The following SPTSSA variants were observed in gnomAD, a reference collection of about 807,000 sequenced individuals.
SPTSSA encodes serine palmitoyltransferase small subunit A.
SPTSSA carries 8 observed loss-of-function variants against 9.1 expected under a neutral mutation model. The ratio of observed to expected loss-of-function variants is 0.88; its 90% CI spans 0.51 to 1.58. The LOEUF is 1.58. Ranked by LOEUF, SPTSSA falls within the 40% of genes most tolerant of loss-of-function variation. The pLI is 0.00. For synonymous variants in SPTSSA, 42 were observed against 37.7 expected (o/e 1.11, Z -0.41); for missense variants, 100 against 93.8 (o/e 1.07, Z -0.27).
chr14:34,442,774 G>A (rs1324314515), intron 1 of SPTSSA, among the ~76,000 whole-genome samples: 1 of 152,202 alleles, frequency 6.6e-6, no homozygotes, highest in East Asian at 1.9e-4. Context: ...GGAGTCTGGG[G>A]AGGTTTGGCC....
chr14:34,436,882 C>T (rs1477039057), intron 1 of SPTSSA, among the ~76,000 whole-genome samples: 1 of 151,708 alleles, frequency 6.6e-6, no homozygotes, highest in Non-Finnish European at 1.5e-5. Context: ...ACTTTTTAAC[C>T]GCCCTTAATC....
At chr14:34,451,717 C>CAAAAAA (rs35096900) in intron 1 of SPTSSA, among the ~76,000 whole-genome samples, 1 of 77,198 alleles carries the variant, frequency 1.3e-5, no homozygotes, top group African/African-American at 4.1e-5. Flanking sequence ...GACTCTGTTT[C>CAAAAAA]AAAAAAAAAA....
chr14:34,442,673 T>C (rs776317187), intron 1 of SPTSSA, among the ~76,000 whole-genome samples: 2 of 152,230 alleles, frequency 1.3e-5, no homozygotes, highest in Non-Finnish European at 2.9e-5. Context: ...TGGTGTTACA[T>C]GTATGCAGGT....
chr14:34,455,021 A>G (rs1362966582), intron 1 of SPTSSA, among the ~76,000 whole-genome samples: 1 of 151,530 alleles, frequency 6.6e-6, no homozygotes, highest in Non-Finnish European at 1.5e-5. Flanking sequence ...CAGGAGGCGG[A>G]GGCTACAGTG....
At chr14:34,460,183 A>G (rs1327986168) in intron 1 of SPTSSA, among the ~76,000 whole-genome samples, 2 of 152,228 alleles carry the variant, frequency 1.3e-5, no homozygotes, top group Non-Finnish European at 2.9e-5. Context: ...GGAAAAATAT[A>G]AATACAACAG....
chr14:34,459,755 G>C (rs777537523), intron 1 of SPTSSA, among the ~76,000 whole-genome samples: 10 of 151,848 alleles, frequency 6.6e-5, no homozygotes, highest in African/African-American at 2.4e-4. Flanking sequence ...CACTCCAGCC[G>C]GGCAACAAGA....
At chr14:34,462,022 G>T in intron 1 of SPTSSA, 74 bp downstream of exon 1, 1 of 978,090 alleles carries the variant, frequency 1.0e-6, no homozygotes, top group Non-Finnish European at 1.3e-6. Context: ...CCCCAGGCCC[G>T]GGGCCTGGGG....
chr14:34,449,351 C>T (rs2138827715), intron 1 of SPTSSA, among the ~76,000 whole-genome samples: 1 of 152,192 alleles, frequency 6.6e-6, no homozygotes, highest in South Asian at 2.1e-4. Flanking sequence ...GTTGAAATAA[C>T]ACTACTGCAC....
At chr14:34,445,565 T>C (rs1883406575) in intron 1 of SPTSSA, among the ~76,000 whole-genome samples, 1 of 152,132 alleles carries the variant, frequency 6.6e-6, no homozygotes, top group Admixed American at 6.5e-5. Flanking sequence ...ACGTATAATA[T>C]ATGGTAATCT....
chr14:34,451,403 TC>T, intron 1 of SPTSSA, among the ~76,000 whole-genome samples: 1 of 152,120 alleles, frequency 6.6e-6, no homozygotes, highest in Admixed American at 6.6e-5. Context: ...AGCAATCCAA[TC>T]CTATATTAAT....
intron 1 of SPTSSA, among the ~76,000 whole-genome samples, chr14:34,451,534 T>A (rs190973413): frequency 6.6e-6 from 1 of 151,758 alleles, no homozygotes; most frequent in East Asian, 1.9e-4. Context: ...CCGTCCTGGC[T>A]AACACGGTGA....
In SPTSSA at chr14:34,448,871, G is replaced by A. The variant is rs556961226; in HGVS notation, c.112+13225C>T. Among the ~76,000 whole-genome samples, 252 of 151,802 alleles carry A rather than the reference G, an allele frequency of 1.7e-3. 1 individual carries two copies. Among genetic ancestry groups the A allele is most frequent in the Non-Finnish European group, 8.8e-4 (60 of 67,924 alleles). ...AAAAATTAGCTGGGCATGGTGGCAC[G>A]CACCTGTAGTCCCAGCTACTCTGGA... On this transcript the variant is annotated intron_variant, in intron 1 of 1. Transcript: ENST00000298130.
At chr14:34,443,834 C>T (rs1403357040) in intron 1 of SPTSSA, among the ~76,000 whole-genome samples, 1 of 152,138 alleles carries the variant, frequency 6.6e-6, no homozygotes, top group East Asian at 1.9e-4. Context: ...CTGTGCCCAG[C>T]TGAGTATACT....
intron 1 of SPTSSA, among the ~76,000 whole-genome samples, chr14:34,448,049 G>A (rs976593412): frequency 2.6e-5 from 4 of 152,112 alleles, no homozygotes; most frequent in Admixed American, 1.3e-4. Context: ...GAGGTCAGGA[G>A]TTCAAGACCA....
At position 34,457,382 on chromosome 14, in the gene SPTSSA, C is replaced by T. The variant is rs1320149640; in HGVS notation, c.112+4714G>A. On this transcript the variant is annotated intron_variant, in intron 1 of 1. Transcript: ENST00000298130. ...TCTTGGTTACAAAACCTGGTCTTTT[C>T]TTTCCCACCTTGGGATGCCAGTAGG... Among the ~76,000 whole-genome samples the T allele has an allele frequency of 3.3e-5, 5 of 152,204 alleles. No homozygotes were observed. The East Asian group carries it at 9.6e-4, about 29-fold the overall frequency.
chr14:34,434,539 T>C lies in SPTSSA; in HGVS notation c.*662A>G, dbSNP rs1193348670. The C allele has an allele frequency of 6.6e-6, 1 of 152,650 alleles. No individual in the cohort carries two copies. Among genetic ancestry groups the C allele is most frequent in the Non-Finnish European group, 1.5e-5 (1 of 68,032 alleles). The allele number at this position is 152,650 out of a possible 1,614,324, so 9.5% of individuals were successfully genotyped here. On this transcript the variant is annotated 3_prime_UTR_variant, in exon 2 of 2. Coordinates refer to ENST00000298130, the MANE Select transcript of SPTSSA (RefSeq NM_138288.4). ...TCTGGAAATAAGTCCACATAAGAAT[T>C]AAATATTTAAAAGGTGAAATGTTCC...
At chr14:34,453,195 C>T (rs1883558557) in intron 1 of SPTSSA, among the ~76,000 whole-genome samples, 1 of 152,202 alleles carries the variant, frequency 6.6e-6, no homozygotes, top group African/African-American at 2.4e-5. Flanking sequence ...CAACTGCCTG[C>T]AGGGTGAGGA....
At position 34,443,198 on chromosome 14, in the gene SPTSSA, GGTGTGTGTGT is replaced by G. The variant is rs76985104; in HGVS notation, c.113-7904_113-7895del. ...TTTGAGATTGAGTTTTCCTCTAGGG[GGTGTGTGTGT>G]GTGTGTGTGTGTGTGTGTGTGTGTG... is the stretch of plus-strand genomic sequence containing the variant. On this transcript the variant is annotated intron_variant, in intron 1 of 1. Transcript: ENST00000298130. 1.9e-3 allele frequency among the ~76,000 whole-genome samples: 22 copies of G among 11,480 alleles called. 3 individuals carry two copies. The highest frequency in any genetic ancestry group is 0.018 in the East Asian group (14 of 790). The allele number at this position is 11,480 out of a possible 152,430, so 7.5% of individuals were successfully genotyped here.
chr14:34,457,877 C>G (rs959826100), intron 1 of SPTSSA, among the ~76,000 whole-genome samples: 1 of 148,538 alleles, frequency 6.7e-6, no homozygotes, highest in Non-Finnish European at 1.5e-5. Flanking sequence ...GAGGCTGAGG[C>G]AGGAGAATCG....
Sources: allele counts gnomAD v4.1 joint callset (sites outside exome capture counted in the v4.1 genomes callset), GRCh38; gene constraint gnomAD v4.1.1; transcripts MANE v1.5; gene names NCBI Gene and HGNC (gene_info 2026-07-23, HGNC 2026-07-21).